The following STK3 variants were observed in gnomAD, a reference collection of about 807,000 sequenced individuals.
STK3 encodes the protein serine/threonine-protein kinase 3.
STK3 carries 41 observed loss-of-function variants against 58.0 expected under a neutral mutation model. That is an observed-to-expected ratio of 0.71 (90% CI 0.55 to 0.92). STK3 has a LOEUF of 0.92. Among genes scored for constraint, STK3 ranks in the 40% least tolerant of loss-of-function variants. The pLI, the probability that STK3 is intolerant of heterozygous loss-of-function variation, is 0.00. For missense variants in STK3, 479 were observed against 602.7 expected, an observed-to-expected ratio of 0.79 and a Z score of 2.15; for synonymous variants, 170 against 191.0, an observed-to-expected ratio of 0.89 and a Z score of 0.91.
intron 6 of STK3, among the ~76,000 whole-genome samples, chr8:98,672,264 G>C (rs933165775): frequency 6.6e-6 from 1 of 151,668 alleles, no homozygotes; most frequent in Non-Finnish European, 1.5e-5. Flanking sequence ...GGGTGTGGGG[G>C]GTTAGGGGGT....
At chr8:98,672,712 T>A (rs1435517855) in intron 6 of STK3, among the ~76,000 whole-genome samples, 2 of 152,172 alleles carry the variant, frequency 1.3e-5, no homozygotes, top group Non-Finnish European at 2.9e-5. Flanking sequence ...AGCCATATAA[T>A]TTAAGAGTAA....
downstream of STK3, chr8:98,401,296 T>G (rs1326003313): frequency 6.6e-6 from 1 of 152,210 alleles, no homozygotes; most frequent in Non-Finnish European, 1.5e-5. Flanking sequence ...GGACTCCAGC[T>G]GCAACTGCAG....
intron 1 of STK3, among the ~76,000 whole-genome samples, chr8:98,787,613 C>T (rs1051255962): frequency 5.9e-5 from 9 of 152,098 alleles, no homozygotes; most frequent in African/African-American, 1.9e-4. Flanking sequence ...AAAAGATCAT[C>T]GCCTAGACAC....
rs188469772 is a variant in STK3, at chr8:98,629,269, C to T, written c.685-33100G>A. On this transcript the variant is annotated intron_variant, in intron 6 of 10. Coordinates refer to ENST00000419617, the MANE Select transcript of STK3 (RefSeq NM_006281.4). ...AATAAGGAAGCTTGACAGTCATTTA[C>T]GAGAGTTTACCAACTTTTGAGCAGT... Among the ~76,000 whole-genome samples the T allele has an allele frequency of 7.9e-5, 12 of 152,190 alleles. No homozygotes were observed. In the East Asian group the frequency reaches 2.1e-3, roughly 27 times the overall value.
intron 1 of STK3, among the ~76,000 whole-genome samples, chr8:98,899,515 A>G (rs1459013664): frequency 6.6e-6 from 1 of 152,182 alleles, no homozygotes; most frequent in Non-Finnish European, 1.5e-5. Context: ...TTTATAGTGT[A>G]TTGGGTATTA....
At chr8:98,761,583 T>C (rs1221269885) in intron 3 of STK3, among the ~76,000 whole-genome samples, 1 of 152,192 alleles carries the variant, frequency 6.6e-6, no homozygotes, top group Non-Finnish European at 1.5e-5. Context: ...TTCATCAACA[T>C]CTTACTATAA....
At chr8:98,609,653 A>C (rs1391383607) in intron 6 of STK3, among the ~76,000 whole-genome samples, 1 of 152,198 alleles carries the variant, frequency 6.6e-6, no homozygotes, top group Non-Finnish European at 1.5e-5. Flanking sequence ...AGAAAACTTA[A>C]GGGAAGACAA....
At chr8:98,518,365 T>C (rs1189009493) in intron 10 of STK3, among the ~76,000 whole-genome samples, 2 of 152,086 alleles carry the variant, frequency 1.3e-5, no homozygotes, top group African/African-American at 4.8e-5. Flanking sequence ...TATGGAAGCC[T>C]TAAACAGCAC....
At chr8:98,917,054 C>G (rs1839371682) in intron 1 of STK3, among the ~76,000 whole-genome samples, 1 of 152,080 alleles carries the variant, frequency 6.6e-6, no homozygotes, top group Admixed American at 6.5e-5. Context: ...TGTCAATGGA[C>G]TAGAAAGACA....
At chr8:98,774,877 T>G (rs1263039140) in intron 1 of STK3, 58 bp from the exon 2 acceptor site, 3 of 1,255,172 alleles carry the variant, frequency 2.4e-6, no homozygotes, top group Non-Finnish European at 3.2e-6. Flanking sequence ...TTTACAAAAT[T>G]TTTAATTTTT....
intron 10 of STK3, among the ~76,000 whole-genome samples, chr8:98,468,605 C>G (rs983495744): frequency 6.6e-6 from 1 of 152,098 alleles, no homozygotes; most frequent in Non-Finnish European, 1.5e-5. Context: ...CTCACAAATG[C>G]TATGAATTTA....
rs140107396 is a variant in STK3 at position 98,758,730 on chromosome 8, T to C, written c.236+8513A>G. 4.5e-4 allele frequency among the ~76,000 whole-genome samples: 68 copies of C among 152,362 alleles called. 1 individual carries two copies. In the South Asian group the frequency reaches 6.8e-3, roughly 15 times the overall value. On this transcript the variant is annotated intron_variant, in intron 3 of 10. Transcript: ENST00000419617. ...CCAGTAGAAGGCTGTTTCGTCTACA[T>C]TGAAAATCTGTTGCTTAATGTAGCC...
chr8:98,663,987 T>C (rs957426273), intron 6 of STK3, among the ~76,000 whole-genome samples: 1 of 152,202 alleles, frequency 6.6e-6, no homozygotes, highest in African/African-American at 2.4e-5. Context: ...TTTTGCCTCA[T>C]GCACAATAAA....
rs191821182 is a variant in STK3 at position 98,807,758 on chromosome 8, T to C, written c.26+17757A>G. 1.9e-4 allele frequency among the ~76,000 whole-genome samples: 29 copies of C among 152,296 alleles called. No individual in the cohort carries two copies. The East Asian group carries it at 3.3e-3, about 17-fold the overall frequency. The stretch of plus-strand genomic sequence containing the variant: ...TGCAAAGTCACTGTCAATTATGCAC[T>C]GTGAAGATCAGTTCATAACCGAACA... On this transcript the variant is annotated intron_variant, in intron 1 of 10. Transcript: ENST00000419617.
intron 6 of STK3, among the ~76,000 whole-genome samples, chr8:98,646,837 A>C (rs1321494369): frequency 6.6e-6 from 1 of 152,158 alleles, no homozygotes; most frequent in Admixed American, 6.5e-5. Context: ...CACTGTTACC[A>C]ACCTAACACA....
At chr8:98,709,915 C>T (rs1178870982) in intron 4 of STK3, among the ~76,000 whole-genome samples, 1 of 133,128 alleles carries the variant, frequency 7.5e-6, no homozygotes, top group Non-Finnish European at 1.6e-5. Flanking sequence ...AAAGTAATCG[C>T]AGTTTTTGCC....
At chr8:98,448,855 T>A (rs755721893) in intron 1 of STK3, among the ~76,000 whole-genome samples, 1 of 152,200 alleles carries the variant, frequency 6.6e-6, no homozygotes, top group South Asian at 2.1e-4. Context: ...TTTGCTCTCA[T>A]CTTTTTTTTC....
downstream of STK3, among the ~76,000 whole-genome samples, chr8:98,400,228 T>C (rs974479357): frequency 2.0e-5 from 3 of 152,120 alleles, no homozygotes; most frequent in African/African-American, 7.2e-5. Context: ...TTGCAGGAGA[T>C]GGTTACTGAA....
chr8:98,915,597 A>G (rs1335998422), intron 1 of STK3, among the ~76,000 whole-genome samples: 2 of 151,732 alleles, frequency 1.3e-5, no homozygotes, highest in Non-Finnish European at 2.9e-5. Context: ...TTATTTTATC[A>G]TTTGAGAAAT....
Sources: gnomAD v4.1 joint callset for allele counts (sites outside exome capture counted in the v4.1 genomes callset) on GRCh38, gnomAD v4.1.1 for gene constraint, MANE v1.5 for transcripts, NCBI Gene and HGNC (gene_info 2026-07-23, HGNC 2026-07-21) for gene names.